STMN1: variants seen among roughly 807,000 people sequenced by gnomAD.
The protein encoded by STMN1 is stathmin 1, also known as stathmin.
In STMN1, 3 loss-of-function variants were observed where a neutral mutation model predicts 19.7. The ratio of observed to expected loss-of-function variants is 0.15; its 90% CI spans 0.07 to 0.39. The LOEUF is 0.39. Ranked by LOEUF, STMN1 falls within the 10% of genes least tolerant of loss-of-function variation. STMN1 has a pLI of 1.00. For missense variants in STMN1, 99 were observed against 176.0 expected, an observed-to-expected ratio of 0.56 and a Z score of 2.48; for synonymous variants, 59 against 58.9, an observed-to-expected ratio of 1.00 and a Z score of -0.01.
chr1:25,894,236 A>C (rs2124234932), intron 4 of STMN1, among the ~76,000 whole-genome samples: 1 of 152,340 alleles, frequency 6.6e-6, no homozygotes, highest in Middle Eastern at 3.4e-3. Flanking sequence ...TGCAGGGTAC[A>C]GTCTGCACAC....
In STMN1 at chr1:25,900,321, G is replaced by T. The variant is rs2048856802; in HGVS notation, c.*695C>A. 7 of 985,860 alleles carry T rather than the reference G, an allele frequency of 7.1e-6. No individual in the cohort carries two copies. Among genetic ancestry groups the T allele is most frequent in the Non-Finnish European group, 8.4e-6 (7 of 829,938 alleles). 61.1% of individuals were successfully genotyped at this position (985,860 alleles called of 1,614,324 possible). ...TAAAAGGGACACAGAACAAAAAATG[G>T]TTGTTTGCAAATAAACATCTGAAAG... On this transcript the variant is annotated 3_prime_UTR_variant, in exon 5 of 5. Transcript: ENST00000455785.
downstream of STMN1, among the ~76,000 whole-genome samples, chr1:25,898,822 C>T (rs566397179): frequency 2.0e-5 from 3 of 152,280 alleles, no homozygotes; most frequent in African/African-American, 4.8e-5. Context: ...CAGAGAATGC[C>T]GGGCCCGGGA....
intron 4 of STMN1, among the ~76,000 whole-genome samples, chr1:25,892,338 G>C (rs1056544583): frequency 6.6e-6 from 1 of 151,432 alleles, no homozygotes; most frequent in African/African-American, 2.4e-5. Context: ...GCAGTGAGCC[G>C]AGATTGCGCC....
intron 4 of STMN1, among the ~76,000 whole-genome samples, chr1:25,889,494 C>T (rs898136263): frequency 2.6e-5 from 4 of 151,532 alleles, no homozygotes; most frequent in African/African-American, 4.9e-5. Flanking sequence ...CTTCACTCAG[C>T]TCCCCAAGGG....
chr1:25,891,988 C>A (rs1481808341), intron 4 of STMN1, among the ~76,000 whole-genome samples: 1 of 152,206 alleles, frequency 6.6e-6, no homozygotes, highest in Non-Finnish European at 1.5e-5. Context: ...CCCAAGCCCC[C>A]TGAAAAGCTC....
At chr1:25,901,241 ACAT>A (rs550015093) in intron 4 of STMN1, among the ~76,000 whole-genome samples, 154 bp from the exon 5 acceptor site, 21 of 152,266 alleles carry the variant, frequency 1.4e-4, no homozygotes, top group South Asian at 2.1e-4. Flanking sequence ...AAGTTCTGAG[ACAT>A]CATCATCAAA....
At position 25,900,442 on chromosome 1, in the gene STMN1, A is replaced by G. The variant is rs1557482762; in HGVS notation, c.*574T>C. On this transcript the variant is annotated 3_prime_UTR_variant, in exon 5 of 5. Transcript: ENST00000455785. ...CACTGGGGCAAGAAACGGGGCAGAG[A>G]ACGTGCGGTCATTTGTGCGTTGGGT... 1.0e-6 allele frequency: 1 copy of G among 985,778 alleles called. No individual in the cohort carries two copies. Among genetic ancestry groups the G allele is most frequent in the Non-Finnish European group, 1.2e-6 (1 of 829,994 alleles). The allele number at this position is 985,778 out of a possible 1,614,324, so 61.1% of individuals were successfully genotyped here. A position where few individuals can be genotyped will look rare whatever the true frequency, so the allele number is the denominator to read the frequency against.
At chr1:25,894,148 T>C (rs150502904) in intron 4 of STMN1, among the ~76,000 whole-genome samples, 291 of 152,306 alleles carry the variant, frequency 1.9e-3, no homozygotes, top group Admixed American at 3.1e-3. Context: ...CCTGGGAAGA[T>C]GAGGGAATGT....
At chr1:25,891,784 A>T (rs2048778232) in intron 4 of STMN1, among the ~76,000 whole-genome samples, 1 of 152,052 alleles carries the variant, frequency 6.6e-6, no homozygotes, top group African/African-American at 2.4e-5. Context: ...ATCTGCCTTC[A>T]TCTGCACCCC....
At chr1:25,890,152 G>A (rs1303228333) in intron 4 of STMN1, among the ~76,000 whole-genome samples, 1 of 152,180 alleles carries the variant, frequency 6.6e-6, no homozygotes, top group Non-Finnish European at 1.5e-5. Flanking sequence ...GGATGGAGAG[G>A]CTTGTTTCGG....
downstream of STMN1, among the ~76,000 whole-genome samples, chr1:25,899,259 C>T (rs913856152): frequency 6.6e-6 from 1 of 151,968 alleles, no homozygotes; most frequent in Non-Finnish European, 1.5e-5. Flanking sequence ...ACTTGTAGGA[C>T]ACCTCGTATC....
chr1:25,899,939 T>C (rs1197606561), downstream of STMN1, among the ~76,000 whole-genome samples: 1 of 152,152 alleles, frequency 6.6e-6, no homozygotes, highest in African/African-American at 2.4e-5. Flanking sequence ...AATTAGGCTA[T>C]TTCTCAAATA....
intron 4 of STMN1, chr1:25,892,564 G>A (rs562976223): frequency 3.4e-5 from 33 of 971,078 alleles, no homozygotes; most frequent in Non-Finnish European, 3.9e-5. Context: ...CGGCTGAGCC[G>A]CTGAGCCGCT....
chr1:25,901,193 CAG>C, intron 4 of STMN1, 106 bp from the exon 5 acceptor site: 16 of 1,533,410 alleles, frequency 1.0e-5, no homozygotes, highest in Non-Finnish European at 1.4e-5. Flanking sequence ...AACACAACCT[CAG>C]TGCATATATT....
chr1:25,889,078 G>T (rs971634720), intron 4 of STMN1: 15 of 491,622 alleles, frequency 3.1e-5, no homozygotes, highest in African/African-American at 2.8e-4. Context: ...TCCAAAAGGA[G>T]ACATCGGAGG....
At chr1:25,902,256 A>C (rs578141170) in intron 3 of STMN1, 1 of 152,304 alleles carries the variant, frequency 6.6e-6, no homozygotes, top group South Asian at 2.1e-4. Flanking sequence ...TTTACTGCTT[A>C]ATGGTATCTG....
In STMN1 at chr1:25,900,235, A is replaced by T; in HGVS notation, c.*781T>A. 1 of 985,898 alleles carries T rather than the reference A, an allele frequency of 1.0e-6. No individual in the cohort carries two copies. The highest frequency in any genetic ancestry group is 1.2e-6 in the Non-Finnish European group (1 of 829,942). The allele number at this position is 985,898 out of a possible 1,614,324, so 61.1% of individuals were successfully genotyped here. On this transcript the variant is annotated 3_prime_UTR_variant, in exon 5 of 5. Transcript: ENST00000455785. The stretch of plus-strand genomic sequence containing the variant: ...GTAGAGCAAGCAAACCACCAAGTAG[A>T]ATCTTGAGATTCTCTCTCAACTGTT...
At chr1:25,894,160 C>G (rs1016897307) in intron 4 of STMN1, among the ~76,000 whole-genome samples, 1 of 152,180 alleles carries the variant, frequency 6.6e-6, no homozygotes, top group African/African-American at 2.4e-5. Context: ...AGGGAATGTA[C>G]TGTGTGCCTT....
chr1:25,905,643 G>A (rs993749767), intron 1 of STMN1, among the ~76,000 whole-genome samples: 1 of 152,060 alleles, frequency 6.6e-6, no homozygotes, highest in African/African-American at 2.4e-5. Flanking sequence ...AAGGGGAGGG[G>A]TGGGCGGGGC....
Sources: allele counts gnomAD v4.1 joint callset (sites outside exome capture counted in the v4.1 genomes callset), GRCh38; gene constraint gnomAD v4.1.1; transcripts MANE v1.5; gene names NCBI Gene and HGNC (gene_info 2026-07-23, HGNC 2026-07-21).